ADGRB3: variants seen among roughly 807,000 people sequenced by gnomAD.
ADGRB3 encodes the protein brain-specific angiogenesis inhibitor 3.
In ADGRB3, 37 loss-of-function variants were observed where a neutral mutation model predicts 193.4. The ratio of observed to expected loss-of-function variants is 0.19; its 90% CI spans 0.15 to 0.25. ADGRB3 has a LOEUF of 0.25. Among genes scored for constraint, ADGRB3 ranks in the 10% least tolerant of loss-of-function variants. The pLI is 1.00. For synonymous variants in ADGRB3, 690 were observed against 644.2 expected (o/e 1.07, Z -1.08); for missense variants, 1,637 against 1,852.9 (o/e 0.88, Z 2.14).
intron 3 of ADGRB3, among the ~76,000 whole-genome samples, chr6:68,670,030 C>T (rs967861292): frequency 6.6e-6 from 1 of 151,958 alleles, no homozygotes; most frequent in Non-Finnish European, 1.5e-5. Flanking sequence ...TGATGTTGAG[C>T]ACATTTTAGT....
intron 3 of ADGRB3, among the ~76,000 whole-genome samples, chr6:68,847,795 GAA>G (rs1309760352): frequency 2.6e-5 from 4 of 152,000 alleles, no homozygotes; most frequent in Non-Finnish European, 1.5e-5. Context: ...GTCGGGGAAA[GAA>G]GAGGAAAAGC....
intron 17 of ADGRB3, among the ~76,000 whole-genome samples, chr6:69,137,556 T>C (rs2150336557): frequency 6.6e-6 from 1 of 152,160 alleles, no homozygotes; most frequent in South Asian, 2.1e-4. Context: ...CCCAACACTT[T>C]GGAAAGCTTA....
At chr6:69,143,160 A>G (rs1268120779) in intron 17 of ADGRB3, among the ~76,000 whole-genome samples, 2 of 151,996 alleles carry the variant, frequency 1.3e-5, no homozygotes, top group African/African-American at 4.8e-5. Flanking sequence ...TTCATATACC[A>G]GTTTGCCATT....
At chr6:69,029,140 C>T (rs1421930727) in intron 13 of ADGRB3, among the ~76,000 whole-genome samples, 3 of 152,092 alleles carry the variant, frequency 2.0e-5, no homozygotes, top group African/African-American at 4.8e-5. Flanking sequence ...ATATAATGAA[C>T]TTCAGTGTAA....
chr6:69,354,861 G>C (rs1309277612), intron 27 of ADGRB3, among the ~76,000 whole-genome samples: 1 of 152,136 alleles, frequency 6.6e-6, no homozygotes, highest in Admixed American at 6.5e-5. Flanking sequence ...TTGTACATGA[G>C]CTCTGGTTAT....
In ADGRB3 at chr6:68,953,351, T is replaced by G. The variant is rs555215503; in HGVS notation, c.1196-2673T>G. ...ATTCACCTTTGTTAATGTGCTGCTT[T>G]CTTTCTGAATGTTCTCAATAATGTG... On this transcript the variant is annotated intron_variant, in intron 6 of 31. Transcript: ENST00000370598. 1.6e-3 allele frequency among the ~76,000 whole-genome samples: 242 copies of G among 152,324 alleles called. 1 individual carries two copies. The highest frequency in any genetic ancestry group is 5.6e-3 in the African/African-American group (234 of 41,592).
intron 11 of ADGRB3, among the ~76,000 whole-genome samples, chr6:68,999,281 T>C (rs1277935882): frequency 6.6e-6 from 1 of 151,312 alleles, no homozygotes; most frequent in African/African-American, 2.4e-5. Flanking sequence ...TTTTTTTTTT[T>C]TGAGATGGAG....
At chr6:69,378,104 A>G (rs551102281) in intron 30 of ADGRB3, among the ~76,000 whole-genome samples, 1 of 152,216 alleles carries the variant, frequency 6.6e-6, no homozygotes. Flanking sequence ...GCTGTGTGCT[A>G]GGTGCCAGTG....
At chr6:69,153,503 T>C (rs1321970102) in intron 17 of ADGRB3, among the ~76,000 whole-genome samples, 2 of 152,144 alleles carry the variant, frequency 1.3e-5, no homozygotes, top group Non-Finnish European at 2.9e-5. Flanking sequence ...CAAAATGCTA[T>C]AAGTCCCTTT....
rs1193270145 is a variant in ADGRB3, at chr6:69,137,078, A to ATTTTTTTTTTG, written c.2480+61041_2480+61042insTTTTTTTTTGT. 6.6e-5 allele frequency among the ~76,000 whole-genome samples: 8 copies of ATTTTTTTTTTG among 121,410 alleles called. 1 individual carries two copies. Among genetic ancestry groups the ATTTTTTTTTTG allele is most frequent in the Middle Eastern group, 4.5e-3 (1 of 220 alleles). The allele number at this position is 121,410 out of a possible 152,430, so 79.6% of individuals were successfully genotyped here. Reference sequence around the variant, plus strand: ...TTTCTTTTTTTTTTTTTTTTTTTTAATGGTAAGATCTTTTTGAGCCTCAAA... The same window carrying ATTTTTTTTTTG: ...TTTCTTTTTTTTTTTTTTTTTTTTAATTTTTTTTTTGTGGTAAGATCTTTTTGAGCCTCAAA... On this transcript the variant is annotated intron_variant, in intron 17 of 31. Transcript: ENST00000370598.
intron 17 of ADGRB3, among the ~76,000 whole-genome samples, chr6:69,227,764 C>A (rs1766049641): frequency 6.6e-6 from 1 of 152,046 alleles, no homozygotes; most frequent in Admixed American, 6.6e-5. Flanking sequence ...ACATAATCAC[C>A]ACAGGATGCT....
intron 3 of ADGRB3, among the ~76,000 whole-genome samples, chr6:68,920,398 G>A (rs989213245): frequency 6.0e-5 from 9 of 151,094 alleles, no homozygotes; most frequent in African/African-American, 2.2e-4. Context: ...GGGCTCTGTG[G>A]TCCCAGCTAC....
At chr6:68,837,285 C>A (rs1193328472) in intron 3 of ADGRB3, among the ~76,000 whole-genome samples, 2 of 151,942 alleles carry the variant, frequency 1.3e-5, no homozygotes, top group African/African-American at 4.8e-5. Context: ...ATGTGTGAGA[C>A]TATAAGAATA....
intron 17 of ADGRB3, among the ~76,000 whole-genome samples, chr6:69,110,104 C>T (rs1010678474): frequency 9.2e-5 from 14 of 151,906 alleles, no homozygotes; most frequent in Non-Finnish European, 1.6e-4. Context: ...CCTGCCACCA[C>T]GACTGGCTAA....
At chr6:69,312,015 A>G (rs1463573827) in intron 20 of ADGRB3, among the ~76,000 whole-genome samples, 1 of 151,738 alleles carries the variant, frequency 6.6e-6, no homozygotes. Context: ...CAACTTCTTT[A>G]GAGAAAGGTG....
At chr6:68,895,563 C>G (rs530114421) in intron 3 of ADGRB3, among the ~76,000 whole-genome samples, 1 of 152,054 alleles carries the variant, frequency 6.6e-6, no homozygotes, top group African/African-American at 2.4e-5. Context: ...TATTTCATAT[C>G]TTGAAACATG....
At chr6:68,770,160 C>T (rs1027432694) in intron 3 of ADGRB3, among the ~76,000 whole-genome samples, 2 of 151,994 alleles carry the variant, frequency 1.3e-5, no homozygotes, top group African/African-American at 4.8e-5. Flanking sequence ...AGTTTTATCC[C>T]AGGGCTCTTA....
intron 4 of ADGRB3, among the ~76,000 whole-genome samples, chr6:68,936,023 A>G (rs558218293): frequency 5.5e-4 from 84 of 152,322 alleles, no homozygotes; most frequent in Admixed American, 5.9e-4. Context: ...AGTACTCAAT[A>G]CAATATAAAT....
chr6:68,962,323 C>T (rs1454738445), intron 8 of ADGRB3, among the ~76,000 whole-genome samples: 1 of 152,100 alleles, frequency 6.6e-6, no homozygotes. Context: ...GTTGTATGGG[C>T]AGACTTGGGG....
Sources: gnomAD v4.1 joint callset for allele counts (sites outside exome capture counted in the v4.1 genomes callset) on GRCh38, gnomAD v4.1.1 for gene constraint, MANE v1.5 for transcripts, NCBI Gene and HGNC (gene_info 2026-07-23, HGNC 2026-07-21) for gene names.